The following SMYD3 variants were observed in gnomAD, a reference collection of about 807,000 sequenced individuals.
The protein encoded by SMYD3 is SET and MYND domain containing 3.
In SMYD3, 36 loss-of-function variants were observed where a neutral mutation model predicts 57.7. That is an observed-to-expected ratio of 0.62 (90% CI 0.48 to 0.82). SMYD3 has a LOEUF of 0.82. SMYD3 is among the 40% of genes least tolerant of loss of function. The pLI, the probability that SMYD3 is intolerant of heterozygous loss-of-function variation, is 0.00. For synonymous variants in SMYD3, 211 were observed against 195.0 expected (o/e 1.08, Z -0.68); for missense variants, 515 against 538.8 (o/e 0.96, Z 0.44).
chr1:246,506,947 A>C, intron 1 of SMYD3, 107 bp downstream of exon 1: 1 of 1,080,258 alleles, frequency 9.3e-7, no homozygotes. Context: ...CTGCCTGTGC[A>C]GCCCCATCCA....
intron 10 of SMYD3, among the ~76,000 whole-genome samples, chr1:245,774,245 T>C (rs1300333852): frequency 6.6e-6 from 1 of 152,182 alleles, no homozygotes; most frequent in Non-Finnish European, 1.5e-5. Context: ...GCAAGCCCAC[T>C]GTCTCCCCAG....
chr1:246,262,409 A>C (rs1240265751), intron 5 of SMYD3, among the ~76,000 whole-genome samples: 5 of 152,256 alleles, frequency 3.3e-5, no homozygotes, highest in African/African-American at 1.2e-4. Context: ...TACCAAACAC[A>C]GTTCTGGACA....
At chr1:246,016,996 T>C (rs1238641236) in intron 5 of SMYD3, among the ~76,000 whole-genome samples, 1 of 152,126 alleles carries the variant, frequency 6.6e-6, no homozygotes, top group East Asian at 1.9e-4. Flanking sequence ...TCAATGAAAC[T>C]GTTCTGCTTA....
chr1:246,465,897 G>C (rs976058376), intron 1 of SMYD3, among the ~76,000 whole-genome samples: 1 of 152,090 alleles, frequency 6.6e-6, no homozygotes, highest in African/African-American at 2.4e-5. Context: ...CCTGCCTACT[G>C]AGTAGCTGGG....
chr1:246,214,823 G>C (rs2063139871), intron 5 of SMYD3, among the ~76,000 whole-genome samples: 1 of 152,108 alleles, frequency 6.6e-6, no homozygotes, highest in Non-Finnish European at 1.5e-5. Context: ...ATGGAGAATA[G>C]CAAAGCCATT....
chr1:245,937,328 T>C (rs1295140494), intron 5 of SMYD3, among the ~76,000 whole-genome samples: 1 of 152,242 alleles, frequency 6.6e-6, no homozygotes, highest in Non-Finnish European at 1.5e-5. Context: ...GAAGCCCCTT[T>C]AGATAACATG....
chr1:246,237,712 G>T (rs917410546), intron 5 of SMYD3, among the ~76,000 whole-genome samples: 26 of 152,072 alleles, frequency 1.7e-4, no homozygotes, highest in African/African-American at 6.0e-4. Flanking sequence ...TAGACTTTTT[G>T]CCACATGAAT....
rs149003851 is a variant in SMYD3, at chr1:246,022,278, T to A, written c.532-92341A>T. Reference sequence around the variant, plus strand: ...TTAAAATGCACATATCAGAGAAAAATGCTCTCTCAAGCATCTCTATACGAA... The same window carrying A: ...TTAAAATGCACATATCAGAGAAAAAAGCTCTCTCAAGCATCTCTATACGAA... On this transcript the variant is annotated intron_variant, in intron 5 of 11. Transcript: ENST00000490107. Among the ~76,000 whole-genome samples the A allele has an allele frequency of 1.6e-4, 24 of 152,170 alleles. No individual in the cohort carries two copies. In the East Asian group the frequency reaches 4.7e-3, roughly 30 times the overall value.
At chr1:246,453,985 C>T (rs554833598) in intron 1 of SMYD3, among the ~76,000 whole-genome samples, 2 of 152,198 alleles carry the variant, frequency 1.3e-5, no homozygotes, top group South Asian at 4.1e-4. Flanking sequence ...CACTTTAAGG[C>T]CTAAGGTTGG....
intron 5 of SMYD3, among the ~76,000 whole-genome samples, chr1:246,128,490 T>C (rs958986605): frequency 2.6e-5 from 4 of 152,200 alleles, no homozygotes; most frequent in Non-Finnish European, 5.9e-5. Context: ...GCCAGGCACA[T>C]TGATAAGTGC....
At chr1:246,350,202 A>T (rs2065801104) in intron 2 of SMYD3, among the ~76,000 whole-genome samples, 1 of 152,178 alleles carries the variant, frequency 6.6e-6, no homozygotes, top group African/African-American at 2.4e-5. Context: ...GTTTGTGCTC[A>T]CCCCAATCAC....
intron 5 of SMYD3, among the ~76,000 whole-genome samples, chr1:246,116,412 C>A (rs890169214): frequency 2.6e-5 from 4 of 152,298 alleles, no homozygotes; most frequent in African/African-American, 9.6e-5. Context: ...ATATAAAACA[C>A]ACATAATGGA....
chr1:246,198,590 C>T (rs1422095703), intron 5 of SMYD3, among the ~76,000 whole-genome samples: 2 of 152,156 alleles, frequency 1.3e-5, no homozygotes, highest in Non-Finnish European at 2.9e-5. Context: ...AATATTCATA[C>T]AGCAATTGCA....
At chr1:245,756,298 T>C (rs2045603974) in intron 11 of SMYD3, among the ~76,000 whole-genome samples, 1 of 151,754 alleles carries the variant, frequency 6.6e-6, no homozygotes, top group Non-Finnish European at 1.5e-5. Context: ...ACTCCCCCAT[T>C]TGTAATACAA....
At chr1:246,187,943 T>G (rs1303916387) in intron 5 of SMYD3, among the ~76,000 whole-genome samples, 1 of 152,108 alleles carries the variant, frequency 6.6e-6, no homozygotes, top group South Asian at 2.1e-4. Flanking sequence ...GTGGCTCACA[T>G]TCCTCACGTG....
intron 5 of SMYD3, among the ~76,000 whole-genome samples, chr1:246,273,269 C>T (rs1260270959): frequency 2.0e-5 from 3 of 151,338 alleles, no homozygotes; most frequent in Admixed American, 6.6e-5. Context: ...CCTGCCTCGG[C>T]CTCCTGAGCA....
chr1:245,839,406 T>G (rs1214194933), intron 10 of SMYD3, among the ~76,000 whole-genome samples: 3 of 152,138 alleles, frequency 2.0e-5, no homozygotes, highest in Non-Finnish European at 2.9e-5. Flanking sequence ...CCTGACCTCG[T>G]GATCCGCCCA....
intron 5 of SMYD3, among the ~76,000 whole-genome samples, chr1:246,295,537 C>G (rs140897506): frequency 1.2e-4 from 19 of 152,262 alleles, no homozygotes; most frequent in Middle Eastern, 3.4e-3. Flanking sequence ...CAGGTTGCCA[C>G]GGTAACAATC....
intron 10 of SMYD3, among the ~76,000 whole-genome samples, chr1:245,833,547 A>G (rs1027462592): frequency 1.3e-5 from 2 of 152,220 alleles, no homozygotes; most frequent in Admixed American, 6.5e-5. Context: ...ATTACATCCT[A>G]TCACAGGGGA....
Sources: allele counts gnomAD v4.1 joint callset (sites outside exome capture counted in the v4.1 genomes callset), GRCh38; gene constraint gnomAD v4.1.1; transcripts MANE v1.5; gene names NCBI Gene and HGNC (gene_info 2026-07-23, HGNC 2026-07-21).